Variants in TARS1 observed in about 807,000 individuals in gnomAD.
TARS1 encodes the protein threonine--tRNA ligase 1, cytoplasmic.
In TARS1, 57 loss-of-function variants were observed where a neutral mutation model predicts 97.7. That is an observed-to-expected ratio of 0.58 (90% confidence interval 0.47 to 0.73). TARS1 has a LOEUF of 0.73. Ranked by LOEUF, TARS1 falls within the 30% of genes least tolerant of loss-of-function variation. TARS1 has a pLI of 0.00. For missense variants in TARS1, 806 were observed against 888.3 expected (o/e 0.91, Z 1.18); for synonymous variants, 312 against 293.7 (o/e 1.06, Z -0.64).
chr5:33,441,466 C>A (rs1185612052), intron 1 of TARS1: 4 of 274,092 alleles, frequency 1.5e-5, no homozygotes, highest in Non-Finnish European at 1.4e-5. Flanking sequence ...AGGCTTGAGG[C>A]TTCCAAACTT....
chr5:33,458,944 G>A (rs892347844), intron 10 of TARS1, among the ~76,000 whole-genome samples: 5 of 151,930 alleles, frequency 3.3e-5, no homozygotes, highest in African/African-American at 4.8e-5. Context: ...TTGAAAAAAC[G>A]GTTTTTACAT....
intron 17 of TARS1, among the ~76,000 whole-genome samples, chr5:33,464,117 T>TCATG (rs1175214713): frequency 6.6e-6 from 1 of 152,210 alleles, no homozygotes; most frequent in Admixed American, 6.5e-5. Context: ...AGTAGTACAG[T>TCATG]CATGGCTCAC....
At chr5:33,456,315 C>T in intron 8 of TARS1, 88 bp downstream of exon 8, 1 of 1,056,302 alleles carries the variant, frequency 9.5e-7, no homozygotes, top group Non-Finnish European at 1.4e-6. Flanking sequence ...TTACCATTTT[C>T]TGTTGCACAT....
chr5:33,459,858 A>G lies in TARS1; in HGVS notation c.1247A>G (p.His416Arg). The part of the protein sequence containing the change: ...FALKPMNCPG[H>R]CLMFDHRPRS... ...CTGAAACCCATGAACTGCCCAGGAC[A>G]CTGGTATTCGGCAGCTTTGAATTTC... The change falls in exon 11 of 19, where the codon CAC (histidine) becomes CGC (arginine). Residue 416 changes from histidine (H) to arginine (R), a missense_variant. By Grantham distance (29) the His-to-Arg change is conservative (BLOSUM62 0). Transcript: ENST00000265112. 1 of 1,606,600 alleles carries G rather than the reference A, an allele frequency of 6.2e-7. No individual in the cohort carries two copies. The highest frequency in any genetic ancestry group is 8.5e-7 in the Non-Finnish European group (1 of 1,174,852).
intron 2 of TARS1, among the ~76,000 whole-genome samples, chr5:33,445,835 C>T (rs1741384086): frequency 6.6e-6 from 1 of 152,130 alleles, no homozygotes; most frequent in Admixed American, 6.5e-5. Flanking sequence ...TTGCCCTTTC[C>T]ATCTGGACCT....
intron 11 of TARS1, among the ~76,000 whole-genome samples, chr5:33,460,620 T>C (rs774452943): frequency 2.2e-4 from 34 of 152,224 alleles, no homozygotes; most frequent in Non-Finnish European, 4.9e-4. Context: ...AGCTGTATTA[T>C]AGGCTAGGGG....
At chr5:33,460,487 T>C (rs948145225) in intron 11 of TARS1, among the ~76,000 whole-genome samples, 2 of 152,200 alleles carry the variant, frequency 1.3e-5, no homozygotes, top group African/African-American at 4.8e-5. Flanking sequence ...TCTTTGAAAG[T>C]TGGGTGAAGA....
chr5:33,444,866 T>C (rs1274646446), intron 1 of TARS1, among the ~76,000 whole-genome samples: 1 of 152,198 alleles, frequency 6.6e-6, no homozygotes, highest in African/African-American at 2.4e-5. Flanking sequence ...AGAGACTAGG[T>C]TTACACATGG....
At chr5:33,449,742 A>G (rs1741635784) in intron 3 of TARS1, among the ~76,000 whole-genome samples, 1 of 151,976 alleles carries the variant, frequency 6.6e-6, no homozygotes, top group Non-Finnish European at 1.5e-5. Context: ...GGCGTGACCC[A>G]CCGCGCCCAG....
Position 33,467,669 on chromosome 5 carries a change from CAA to C in TARS1, c.2135_2136del (p.Lys712ArgfsTer43). 2 of 1,613,378 alleles carry C rather than the reference CAA, an allele frequency of 1.2e-6. No individual in the cohort carries two copies. Among genetic ancestry groups the C allele is most frequent in the Non-Finnish European group, 1.7e-6 (2 of 1,179,754 alleles). ...SETIERLQQL[K>X]EFRSKQAEEE... ...AAACTATCGAGCGGCTACAGCAGCT[CAA>C]AGAGTTCCGCAGCAAACAGGCAGAA... On this transcript the variant is annotated frameshift_variant, in exon 19 of 19. Coordinates refer to ENST00000265112, the MANE Select transcript of TARS1 (RefSeq NM_152295.5). LOFTEE classifies it high-confidence loss of function.
At position 33,441,133 on chromosome 5, in the gene TARS1, A is replaced by G; in HGVS notation, c.47A>G (p.Glu16Gly). The G allele has an allele frequency of 6.2e-7, 1 of 1,614,110 alleles. No homozygotes were observed. Among genetic ancestry groups the G allele is most frequent in the Non-Finnish European group, 8.5e-7 (1 of 1,179,998 alleles). Reference sequence around the variant, plus strand: ...AGTCCTTCAGGGAAGATGGGAGGCGAGGAGAAGCCGGTGAGCAAACTTGGT... The same window carrying G: ...AGTCCTTCAGGGAAGATGGGAGGCGGGGAGAAGCCGGTGAGCAAACTTGGT... Reference protein sequence around the residue: ...ASSPSGKMGGEEKPIGAGEEK... With the variant: ...ASSPSGKMGGGEKPIGAGEEK... The change falls in exon 1 of 19, where the codon GAG (glutamate) becomes GGG (glycine). Residue 16 changes from glutamate to glycine, a missense_variant. Glu to Gly is a moderately conservative substitution (Grantham distance 98). This residue lies in a region of TARS1 where 356 missense variants were observed against 357.8 expected (regional missense o/e 0.99). Transcript: ENST00000265112.
Position 33,448,534 on chromosome 5 carries a change from C to A in TARS1, c.139-7C>A. 1 of 1,550,670 alleles carries A rather than the reference C, an allele frequency of 6.4e-7. No individual in the cohort carries two copies. Among genetic ancestry groups the A allele is most frequent in the Non-Finnish European group, 8.7e-7 (1 of 1,146,610 alleles). Reference sequence around the variant, plus strand: ...ATTTATTTCCTGATTTGTTTGTTGTCTTGCAGTTGAATCCTTGGCCTGAAT... The same window carrying A: ...ATTTATTTCCTGATTTGTTTGTTGTATTGCAGTTGAATCCTTGGCCTGAAT... On this transcript the variant is annotated splice_region_variant and splice_polypyrimidine_tract_variant and intron_variant, in intron 2 of 18. Transcript: ENST00000265112.
chr5:33,464,737 A>G (rs1161181369), intron 17 of TARS1, among the ~76,000 whole-genome samples: 2 of 151,934 alleles, frequency 1.3e-5, no homozygotes, highest in African/African-American at 4.8e-5. Context: ...GTGAGTAGCC[A>G]CTGCATTCCA....
rs757946587 is a variant in TARS1, at chr5:33,445,352, AAGG to A, written c.90_92del (p.Gly31del). The A allele has an allele frequency of 1.4e-5, 22 of 1,613,060 alleles. No individual in the cohort carries two copies. In the South Asian group the frequency reaches 2.4e-4, roughly 18 times the overall value. ...GGTGCTGGTGAAGAGAAGCAAAAGG[AAGG>A]AGGCAAAAAGAAGAACAAAGAAGGA... On this transcript the variant is annotated inframe_deletion, in exon 2 of 19. Transcript: ENST00000265112.
intron 3 of TARS1, among the ~76,000 whole-genome samples, chr5:33,449,182 G>T (rs1741579389): frequency 6.6e-6 from 1 of 151,866 alleles, no homozygotes; most frequent in South Asian, 2.1e-4. Context: ...TTATTGGGGT[G>T]GGAAGAAGTT....
At position 33,444,235 on chromosome 5, in the gene TARS1, G is replaced by A. The variant is rs1056336673; in HGVS notation, c.58-1089G>A. On this transcript the variant is annotated intron_variant, in intron 1 of 18. Transcript: ENST00000265112. Reference sequence around the variant, plus strand: ...CTATAGAAACAGAAACTAGGTTAATGGTTGCCAGGGTCTGGAGATGAAGGC... The same window carrying A: ...CTATAGAAACAGAAACTAGGTTAATAGTTGCCAGGGTCTGGAGATGAAGGC... 3.3e-5 allele frequency among the ~76,000 whole-genome samples: 5 copies of A among 152,318 alleles called. No individual in the cohort carries two copies. The South Asian group carries it at 1.0e-3, about 32-fold the overall frequency.
At chr5:33,459,989 A>G (rs1354837818) in intron 11 of TARS1, 128 bp downstream of exon 11, 2 of 992,792 alleles carry the variant, frequency 2.0e-6, no homozygotes, top group African/African-American at 1.7e-5. Context: ...TAAACGCAAC[A>G]TCTTTGTATT....
At position 33,461,158 on chromosome 5, in the gene TARS1, A is replaced by G; in HGVS notation, c.1414A>G (p.Ile472Val). 1 of 1,603,360 alleles carries G rather than the reference A, an allele frequency of 6.2e-7. No individual in the cohort carries two copies. The highest frequency in any genetic ancestry group is 8.5e-7 in the Non-Finnish European group (1 of 1,175,180). Reference protein sequence around the residue: ...DAHIFCAMEQIEDEIKGCLDF... With the variant: ...DAHIFCAMEQVEDEIKGCLDF... ...TCTTTTTTTGTTTTTTAATTTGAAGATTGAAGATGAAATAAAAGGTTGTTT... is the reference window on the plus strand; with the variant it reads ...TCTTTTTTTGTTTTTTAATTTGAAGGTTGAAGATGAAATAAAAGGTTGTTT... Residue 472 changes from isoleucine (I) to valine (V), a missense_variant and splice_region_variant, in exon 13 of 19, where the codon ATT becomes GTT. This residue lies in a region of TARS1 where 446 missense variants were observed against 511.0 expected (regional missense o/e 0.87). Coordinates refer to ENST00000265112, the MANE Select transcript of TARS1 (RefSeq NM_152295.5).
chr5:33,451,060 G>T (rs1018520895), intron 3 of TARS1, among the ~76,000 whole-genome samples: 2 of 152,142 alleles, frequency 1.3e-5, no homozygotes, highest in East Asian at 3.9e-4. Context: ...GTTGCAGTGA[G>T]CCAAGATTGA....
Sources: allele counts gnomAD v4.1 joint callset (sites outside exome capture counted in the v4.1 genomes callset), GRCh38; gene constraint gnomAD v4.1.1; regional missense constraint gnomAD v4.1.1; transcripts MANE v1.5; gene names NCBI Gene and HGNC (gene_info 2026-07-23, HGNC 2026-07-21).